Variants in CNTNAP2 observed in about 807,000 individuals in gnomAD.
CNTNAP2 encodes contactin-associated protein-like 2.
A neutral mutation model predicts 155.2 loss-of-function variants in CNTNAP2; 98 were observed. The ratio of observed to expected loss-of-function variants is 0.63; its 90% CI spans 0.54 to 0.75. CNTNAP2 has a LOEUF of 0.75. Ranked by LOEUF, CNTNAP2 falls within the 30% of genes least tolerant of loss-of-function variation. CNTNAP2 has a pLI of 0.00. For missense variants in CNTNAP2, 1,727 were observed against 1,688.1 expected, an observed-to-expected ratio of 1.02 and a Z score of -0.40; for synonymous variants, 651 against 631.2, an observed-to-expected ratio of 1.03 and a Z score of -0.47.
rs116479521 is a variant in CNTNAP2, at chr7:146,774,215, C to A, written c.98-56C>A. The A allele has an allele frequency of 1.3e-3, 1,646 of 1,235,504 alleles. 15 individuals are homozygous for A. The African/African-American group carries it at 0.02, about 15-fold the overall frequency. The allele number at this position is 1,235,504 out of a possible 1,614,324, so 76.5% of individuals were successfully genotyped here. ...GATTTTTTAACCAACACATACCAAT[C>A]GTTATTTCGAAATCGTTGTTGAGTG... On this transcript the variant is annotated intron_variant, in intron 1 of 23. Coordinates refer to ENST00000361727, the MANE Select transcript of CNTNAP2 (RefSeq NM_014141.6).
At chr7:146,985,019 T>A (rs1174847971) in intron 3 of CNTNAP2, among the ~76,000 whole-genome samples, 1 of 152,202 alleles carries the variant, frequency 6.6e-6, no homozygotes, top group Non-Finnish European at 1.5e-5. Context: ...ATTAACCTTT[T>A]GTCACAAAAA....
chr7:146,197,582 G>C (rs749713622), intron 1 of CNTNAP2, among the ~76,000 whole-genome samples: 1 of 152,078 alleles, frequency 6.6e-6, no homozygotes, highest in African/African-American at 2.4e-5. Flanking sequence ...TCACTAATTT[G>C]TTTCCAGATA....
At chr7:146,250,994 T>A (rs1233710288) in intron 1 of CNTNAP2, among the ~76,000 whole-genome samples, 1 of 152,244 alleles carries the variant, frequency 6.6e-6, no homozygotes, top group Admixed American at 6.5e-5. Flanking sequence ...TTTTGTTTAT[T>A]GTTTGCATGA....
intron 8 of CNTNAP2, among the ~76,000 whole-genome samples, chr7:147,248,240 G>A (rs368280703): frequency 5.9e-5 from 9 of 152,278 alleles, no homozygotes; most frequent in Middle Eastern, 3.4e-3. Context: ...ACAGGTCCCC[G>A]TCTATTGCTA....
At chr7:147,295,885 A>G (rs1175097212) in intron 8 of CNTNAP2, among the ~76,000 whole-genome samples, 2 of 152,306 alleles carry the variant, frequency 1.3e-5, no homozygotes, top group East Asian at 3.9e-4. Context: ...AGTGGCTGCT[A>G]TCAGCAAGGA....
At chr7:147,577,979 T>G (rs747403718) in intron 12 of CNTNAP2, among the ~76,000 whole-genome samples, 1 of 152,060 alleles carries the variant, frequency 6.6e-6, no homozygotes, top group Non-Finnish European at 1.5e-5. Context: ...CCATTCCTAT[T>G]GATATTTGAT....
At chr7:146,884,445 T>A (rs976123439) in intron 3 of CNTNAP2, among the ~76,000 whole-genome samples, 2 of 152,108 alleles carry the variant, frequency 1.3e-5, no homozygotes, top group Non-Finnish European at 2.9e-5. Context: ...ACTATACAGC[T>A]CCTTCTCTTC....
intron 9 of CNTNAP2, among the ~76,000 whole-genome samples, chr7:147,357,402 T>C (rs1161437148): frequency 1.3e-5 from 2 of 152,072 alleles, no homozygotes; most frequent in Non-Finnish European, 2.9e-5. Context: ...AGCATTTTCC[T>C]TACTTAATAG....
intron 18 of CNTNAP2, among the ~76,000 whole-genome samples, chr7:148,212,165 AGCCTC>A (rs927905215): frequency 4.0e-5 from 6 of 151,412 alleles, no homozygotes; most frequent in Non-Finnish European, 5.9e-5. Flanking sequence ...TCCCACTGTA[AGCCTC>A]GGGGATTTGG....
At chr7:146,311,607 C>CAAAAAAAAAAAAAAAAAAAAA (rs71175646) in intron 1 of CNTNAP2, 1 of 38,936 alleles carries the variant, frequency 2.6e-5, no homozygotes, top group Non-Finnish European at 5.9e-5. Context: ...CTTGTCTTTA[C>CAAAAAAAAAAAAAAAAAAAAA]AAAAAAAAAA....
At chr7:147,599,808 G>A (rs1800909010) in intron 12 of CNTNAP2, among the ~76,000 whole-genome samples, 1 of 152,090 alleles carries the variant, frequency 6.6e-6, no homozygotes, top group Admixed American at 6.6e-5. Context: ...ACTCTAACAT[G>A]TTATCTTAAT....
At chr7:148,158,553 T>C (rs974955047) in intron 17 of CNTNAP2, among the ~76,000 whole-genome samples, 2 of 152,162 alleles carry the variant, frequency 1.3e-5, no homozygotes, top group Non-Finnish European at 2.9e-5. Context: ...TGCTCCCAAA[T>C]AATCAAATCA....
At chr7:148,368,143 A>G (rs1447244496) in intron 21 of CNTNAP2, among the ~76,000 whole-genome samples, 1 of 152,202 alleles carries the variant, frequency 6.6e-6, no homozygotes, top group Non-Finnish European at 1.5e-5. Context: ...TGCCTGGCTC[A>G]GATTAGCTTT....
intron 13 of CNTNAP2, among the ~76,000 whole-genome samples, chr7:147,646,269 G>A (rs1486898902): frequency 6.6e-6 from 1 of 152,138 alleles, no homozygotes. Context: ...CAGTTCTAAG[G>A]CTTACCTTGT....
At chr7:146,543,535 A>G (rs760640784) in intron 1 of CNTNAP2, among the ~76,000 whole-genome samples, 1 of 151,920 alleles carries the variant, frequency 6.6e-6, no homozygotes, top group Admixed American at 6.6e-5. Flanking sequence ...GACTGACATG[A>G]GATCCAAAAA....
At chr7:146,358,022 T>TTTA (rs1563053711) in intron 1 of CNTNAP2, among the ~76,000 whole-genome samples, 1 of 149,154 alleles carries the variant, frequency 6.7e-6, no homozygotes, top group African/African-American at 2.5e-5. Context: ...ATTTATTTAA[T>TTTA]TTTATTTATT....
chr7:146,298,009 A>C (rs1238010386), intron 1 of CNTNAP2, among the ~76,000 whole-genome samples: 1 of 152,188 alleles, frequency 6.6e-6, no homozygotes, highest in African/African-American at 2.4e-5. Flanking sequence ...AAAACGTGAG[A>C]TGCTGTGAGC....
At chr7:146,222,541 A>AGTGTGTGTGTGTGTGT (rs10616515) in intron 1 of CNTNAP2, among the ~76,000 whole-genome samples, 3 of 147,378 alleles carry the variant, frequency 2.0e-5, no homozygotes, top group African/African-American at 7.5e-5. Context: ...ACTAAAGCAT[A>AGTGTGTGTGTGTGTGT]GTGTGTGTGT....
chr7:146,117,659 T>C (rs1271254833), intron 1 of CNTNAP2, among the ~76,000 whole-genome samples: 1 of 152,174 alleles, frequency 6.6e-6, no homozygotes, highest in East Asian at 1.9e-4. Flanking sequence ...AAAATAATTA[T>C]ATTCAATATG....
Sources: gnomAD v4.1 joint callset for allele counts (sites outside exome capture counted in the v4.1 genomes callset) on GRCh38, gnomAD v4.1.1 for gene constraint, MANE v1.5 for transcripts, NCBI Gene and HGNC (gene_info 2026-07-23, HGNC 2026-07-21) for gene names.